Variants in INF2 observed in about 807,000 individuals in gnomAD.
The protein encoded by INF2 is inverted formin 2, also known as inverted formin-2.
INF2 carries 43 observed loss-of-function variants against 123.5 expected under a neutral mutation model. The ratio of observed to expected loss-of-function variants is 0.35; its 90% CI spans 0.27 to 0.45. The LOEUF (loss-of-function observed/expected upper bound fraction) is 0.45, where lower values mean the gene tolerates loss of function less well. Among genes scored for constraint, INF2 ranks in the 20% least tolerant of loss-of-function variants. INF2 has a pLI of 1.00. For synonymous variants in INF2, 851 were observed against 745.0 expected (o/e 1.14, Z -2.32); for missense variants, 1,453 against 1,682.7 (o/e 0.86, Z 2.39).
chr14:104,720,445 T>C lies in INF2; in HGVS notation c.*1652T>C, dbSNP rs1890510962. ...TGCTGCTGTGGACGTCTGCGTAGTC[T>C]CGTGTGGATGCTGCTGTGGACGTCT... On this transcript the variant is annotated 3_prime_UTR_variant, in exon 23 of 23. Coordinates refer to ENST00000392634, the MANE Select transcript of INF2 (RefSeq NM_022489.4). 1.2e-5 allele frequency: 1 copy of C among 81,226 alleles called. No individual in the cohort carries two copies. Among genetic ancestry groups the C allele is most frequent in the Non-Finnish European group, 2.2e-5 (1 of 46,042 alleles). The allele number at this position is 81,226 out of a possible 1,614,324, so 5.0% of individuals were successfully genotyped here.
chr14:104,702,039 G>A (rs1002049160), intron 2 of INF2, among the ~76,000 whole-genome samples: 8 of 152,090 alleles, frequency 5.3e-5, no homozygotes, highest in Admixed American at 6.5e-5. Flanking sequence ...CTTCCTCCCC[G>A]TCCTGTGCTG....
chr14:104,709,509 G>T lies in INF2; in HGVS notation c.2053-111G>T. ...CCCAGCCCTACCTCTGCCCTGAACC[G>T]TGAGCCACAGGGAGCCATGATGGGC... On this transcript the variant is annotated intron_variant, in intron 11 of 22. Transcript: ENST00000392634. The T allele has an allele frequency of 2.3e-6, 3 of 1,293,096 alleles. 1 individual carries two copies. In the South Asian group the frequency reaches 3.5e-5, roughly 15 times the overall value. The allele number at this position is 1,293,096 out of a possible 1,614,324, so 80.1% of individuals were successfully genotyped here.
chr14:104,709,977 G>A (rs1193287597), intron 12 of INF2, 111 bp from the exon 13 acceptor site: 1 of 989,792 alleles, frequency 1.0e-6, no homozygotes, highest in Non-Finnish European at 1.5e-6. Flanking sequence ...GCAGGCGGTG[G>A]AAACCCCCTC....
intron 1 of INF2, among the ~76,000 whole-genome samples, chr14:104,695,649 C>A (rs557754606): frequency 1.5e-5 from 2 of 129,586 alleles, no homozygotes; most frequent in African/African-American, 6.1e-5. Context: ...CCCCTACCCC[C>A]CCTACAGAGT....
At chr14:104,706,698 G>A (rs1235466588) in intron 6 of INF2, among the ~76,000 whole-genome samples, 1 of 152,164 alleles carries the variant, frequency 6.6e-6, no homozygotes, top group East Asian at 1.9e-4. Context: ...TTGGCATTGA[G>A]TAGGTAGAGA....
chr14:104,705,876 G>A (rs989194137), intron 5 of INF2, among the ~76,000 whole-genome samples, 159 bp from the exon 6 acceptor site: 8 of 152,220 alleles, frequency 5.3e-5, no homozygotes, highest in African/African-American at 1.7e-4. Flanking sequence ...CGCTATCCCT[G>A]GCTATGTGGG....
In INF2 at chr14:104,696,983, C is replaced by T. The variant is rs141046280; in HGVS notation, c.-9-4374C>T. On this transcript the variant is annotated intron_variant, in intron 1 of 22. Coordinates refer to ENST00000392634, the MANE Select transcript of INF2 (RefSeq NM_022489.4). Reference sequence around the variant, plus strand: ...GCCCAGCCAGTGCCTGCCCTACCCCCGCCACTGCTTCAGGGTCCCCAGAGC... The same window carrying T: ...GCCCAGCCAGTGCCTGCCCTACCCCTGCCACTGCTTCAGGGTCCCCAGAGC... Among the ~76,000 whole-genome samples, 60 of 152,306 alleles carry T rather than the reference C, an allele frequency of 3.9e-4. 1 individual carries two copies. Among genetic ancestry groups the T allele is most frequent in the Non-Finnish European group, 5.4e-4 (37 of 68,008 alleles).
chr14:104,695,399 G>A (rs1220599882), intron 1 of INF2, among the ~76,000 whole-genome samples: 3 of 152,116 alleles, frequency 2.0e-5, no homozygotes, highest in Admixed American at 6.5e-5. Context: ...GGAGCACCCC[G>A]TTGGCCCTGC....
At chr14:104,701,141 T>G (rs1272369678) in intron 1 of INF2, among the ~76,000 whole-genome samples, 1 of 152,128 alleles carries the variant, frequency 6.6e-6, no homozygotes, top group Non-Finnish European at 1.5e-5. Flanking sequence ...CCTTCCTGCC[T>G]GCCGCCTCGG....
chr14:104,715,695 G>C, intron 22 of INF2: 1 of 542,392 alleles, frequency 1.8e-6, no homozygotes, highest in Non-Finnish European at 3.5e-6. Flanking sequence ...AGGACAGGCT[G>C]AGGTTGCTCC....
Position 104,699,059 on chromosome 14 carries a change from C to T in INF2, c.-9-2298C>T, listed in dbSNP as rs1291360524. ...TCAGGGGCTTGCACAGGGCAAGGAG[C>T]GCTGGGCAGTGCCAAGAGGGGCAGT... On this transcript the variant is annotated intron_variant, in intron 1 of 22. Transcript: ENST00000392634. This position sits in a 1 kb window ranked among gnomAD's most constrained non-coding sequence, Gnocchi z 4.7. Among the ~76,000 whole-genome samples, 2 of 152,062 alleles carry T rather than the reference C, an allele frequency of 1.3e-5. No homozygotes were observed. Among genetic ancestry groups the T allele is most frequent in the Non-Finnish European group, 2.9e-5 (2 of 67,998 alleles).
chr14:104,706,206 G>A, intron 6 of INF2, 30 bp downstream of exon 6: 1 of 1,537,850 alleles, frequency 6.5e-7, no homozygotes, highest in Non-Finnish European at 8.8e-7. Flanking sequence ...GCGGAGGGCA[G>A]CCCTCCAGGG....
chr14:104,708,324 G>A lies in INF2; in HGVS notation c.1736-112G>A, dbSNP rs1043276963. 2.2e-6 allele frequency: 3 copies of A among 1,371,540 alleles called. No homozygotes were observed. The African/African-American group carries it at 4.3e-5, about 20-fold the overall frequency. 85.0% of individuals were successfully genotyped at this position (1,371,540 alleles called of 1,614,324 possible). A position where few individuals can be genotyped will look rare whatever the true frequency, so the allele number is the denominator to read the frequency against. On this transcript the variant is annotated intron_variant, in intron 8 of 22. Transcript: ENST00000392634. ...GCTGTACGCTGGACCTGGACCTACT[G>A]GGCCCCAGGCAGGACATCCTTTAGA...
At chr14:104,716,982 G>A (rs1427096883) in intron 22 of INF2, among the ~76,000 whole-genome samples, 2 of 152,206 alleles carry the variant, frequency 1.3e-5, no homozygotes, top group Non-Finnish European at 2.9e-5. Context: ...GTGAGCCACC[G>A]TGCCCAGCCC....
intron 8 of INF2, 184 bp from the exon 9 acceptor site, chr14:104,708,252 G>A: frequency 1.1e-6 from 1 of 883,200 alleles, no homozygotes; most frequent in South Asian, 1.7e-5. Flanking sequence ...GTGCCATGGT[G>A]CCCTGGGGCC....
chr14:104,708,222 C>T (rs1253279478), intron 8 of INF2: 47 of 872,784 alleles, frequency 5.4e-5, no homozygotes, highest in Middle Eastern at 3.5e-4. Context: ...CACATGCTCC[C>T]GTGAGCCAGT....
intron 2 of INF2, among the ~76,000 whole-genome samples, 189 bp downstream of exon 2, chr14:104,701,945 G>A (rs1397093501): frequency 6.6e-6 from 1 of 152,154 alleles, no homozygotes; most frequent in Non-Finnish European, 1.5e-5. Flanking sequence ...CTCCGAGTCT[G>A]AGGCTTCCAG....
intron 22 of INF2, chr14:104,716,154 G>A (rs982095999): frequency 1.1e-4 from 39 of 355,434 alleles, no homozygotes; most frequent in Admixed American, 5.3e-4. Flanking sequence ...AGGTCGTGGC[G>A]TCTTCCAGCA....
chr14:104,704,211 C>T (rs900884736), intron 5 of INF2: 9 of 1,403,324 alleles, frequency 6.4e-6, no homozygotes, highest in African/African-American at 2.9e-5. Flanking sequence ...CTTTGCACAC[C>T]GTGGATGGAG....
Sources: gnomAD v4.1 joint callset for allele counts (sites outside exome capture counted in the v4.1 genomes callset) on GRCh38, gnomAD v4.1.1 for gene constraint, Gnocchi (gnomAD v3.1) non-coding constraint, MANE v1.5 for transcripts, NCBI Gene and HGNC (gene_info 2026-07-23, HGNC 2026-07-21) for gene names.